PDLIM5: variants seen among roughly 807,000 people sequenced by gnomAD.
PDLIM5 encodes the protein PDZ and LIM domain protein 5.
PDLIM5 carries 34 observed loss-of-function variants against 64.2 expected under a neutral mutation model. The observed-to-expected ratio is 0.53, with a 90% CI of 0.40 to 0.71. The LOEUF is 0.71. Among genes scored for constraint, PDLIM5 ranks in the 30% least tolerant of loss-of-function variants. The pLI is 0.00. For missense variants in PDLIM5, 683 were observed against 733.6 expected, an observed-to-expected ratio of 0.93 and a Z score of 0.80; for synonymous variants, 253 against 269.1, an observed-to-expected ratio of 0.94 and a Z score of 0.59.
At chr4:94,630,143 T>C (rs1265392049) in intron 8 of PDLIM5, among the ~76,000 whole-genome samples, 1 of 152,180 alleles carries the variant, frequency 6.6e-6, no homozygotes, top group Non-Finnish European at 1.5e-5. Flanking sequence ...GAGAACATAT[T>C]TCCTGAGATG....
intron 3 of PDLIM5, among the ~76,000 whole-genome samples, chr4:94,556,188 G>A (rs1267443303): frequency 6.6e-6 from 1 of 152,056 alleles, no homozygotes; most frequent in Non-Finnish European, 1.5e-5. Flanking sequence ...AGTTTGCTGA[G>A]AATGATGGTT....
At chr4:94,480,902 C>G (rs951635422) in intron 2 of PDLIM5, among the ~76,000 whole-genome samples, 1 of 152,198 alleles carries the variant, frequency 6.6e-6, no homozygotes, top group Non-Finnish European at 1.5e-5. Context: ...ATTTTAAACA[C>G]TCCTCTTCCC....
At chr4:94,586,540 C>T (rs1011146723) in intron 7 of PDLIM5, 96 bp downstream of exon 7, 13 of 703,350 alleles carry the variant, frequency 1.8e-5, no homozygotes, top group East Asian at 1.1e-4. Flanking sequence ...TATGGCATTT[C>T]GTCTTTGCAG....
At chr4:94,553,670 C>T (rs1207981404) in intron 3 of PDLIM5, among the ~76,000 whole-genome samples, 1 of 152,054 alleles carries the variant, frequency 6.6e-6, no homozygotes. Flanking sequence ...AACCACTGCC[C>T]CACTCACTGT....
chr4:94,472,873 A>G (rs1234861141), intron 2 of PDLIM5, among the ~76,000 whole-genome samples: 1 of 152,248 alleles, frequency 6.6e-6, no homozygotes, highest in Admixed American at 6.5e-5. Flanking sequence ...TTGAACATTT[A>G]TTATATGCAG....
At chr4:94,568,684 C>A (rs575248385) in intron 3 of PDLIM5, among the ~76,000 whole-genome samples, 83 of 152,006 alleles carry the variant, frequency 5.5e-4, no homozygotes, top group Non-Finnish European at 7.6e-4. Context: ...TGTAGAATTA[C>A]AGCAATAAGT....
intron 12 of PDLIM5, among the ~76,000 whole-genome samples, chr4:94,663,770 G>A (rs1201289966): frequency 6.6e-6 from 1 of 152,124 alleles, no homozygotes; most frequent in Non-Finnish European, 1.5e-5. Context: ...ATACATTCTA[G>A]GAAAAAGCAA....
chr4:94,473,354 C>T (rs925775253), intron 2 of PDLIM5, among the ~76,000 whole-genome samples: 5 of 152,098 alleles, frequency 3.3e-5, no homozygotes, highest in Admixed American at 6.5e-5. Context: ...CTCCACCTCC[C>T]GGGTTCAAGC....
At chr4:94,583,241 G>A (rs897900726) in intron 5 of PDLIM5, among the ~76,000 whole-genome samples, 5 of 151,984 alleles carry the variant, frequency 3.3e-5, no homozygotes, top group African/African-American at 4.8e-5. Flanking sequence ...AAGACCTTAA[G>A]GTGTGGTAAA....
chr4:94,529,206 C>CA (rs1310675639), intron 3 of PDLIM5, among the ~76,000 whole-genome samples: 3 of 152,140 alleles, frequency 2.0e-5, no homozygotes, highest in African/African-American at 7.2e-5. Flanking sequence ...AAATAACTTA[C>CA]AGTCACGGAA....
intron 2 of PDLIM5, among the ~76,000 whole-genome samples, chr4:94,494,849 A>G (rs1333786439): frequency 6.6e-6 from 1 of 151,904 alleles, no homozygotes; most frequent in African/African-American, 2.4e-5. Flanking sequence ...CCCTGGTTCA[A>G]GCGATTCTCC....
intron 6 of PDLIM5, 59 bp from the exon 7 acceptor site, chr4:94,586,349 A>C: frequency 1.1e-6 from 1 of 910,880 alleles, no homozygotes; most frequent in Non-Finnish European, 1.8e-6. Flanking sequence ...GTAATTGCTT[A>C]AGTGATTTTG....
chr4:94,516,661 C>T (rs1311900094), intron 2 of PDLIM5, among the ~76,000 whole-genome samples: 1 of 151,874 alleles, frequency 6.6e-6, no homozygotes. Context: ...GTAGCTGGGA[C>T]CACAGGTCCC....
At chr4:94,487,171 T>C (rs1390259409) in intron 2 of PDLIM5, among the ~76,000 whole-genome samples, 2 of 152,046 alleles carry the variant, frequency 1.3e-5, no homozygotes, top group East Asian at 1.9e-4. Context: ...CTTTTTTGGG[T>C]TTTTTGCTAT....
At chr4:94,532,448 A>G (rs2110159717) in intron 3 of PDLIM5, among the ~76,000 whole-genome samples, 1 of 152,330 alleles carries the variant, frequency 6.6e-6, no homozygotes. Flanking sequence ...TTGGGTAACA[A>G]GGGCAGGGAG....
intron 5 of PDLIM5, chr4:94,577,357 G>A (rs1411764713): frequency 2.2e-6 from 1 of 456,462 alleles, no homozygotes; most frequent in Non-Finnish European, 4.4e-6. Flanking sequence ...GAAAGAGAAG[G>A]TGGCAAAACT....
Position 94,610,935 on chromosome 4 carries a change from T to C in PDLIM5, c.921-7069T>C, listed in dbSNP as rs1738311807. On this transcript the variant is annotated intron_variant, in intron 7 of 12. Coordinates refer to ENST00000317968, the MANE Select transcript of PDLIM5 (RefSeq NM_006457.5). ...TTCATCCTCCTTTGCTGCTTTGTGC[T>C]TCCCCTCCTTCTTCCTCTCTCTCCC... 8.2e-6 allele frequency: 5 copies of C among 610,802 alleles called. No individual in the cohort carries two copies. In the South Asian group the frequency reaches 9.7e-5, roughly 12 times the overall value. The allele number at this position is 610,802 out of a possible 1,614,324, so 37.8% of individuals were successfully genotyped here.
intron 3 of PDLIM5, among the ~76,000 whole-genome samples, chr4:94,526,920 A>G (rs1241681686): frequency 2.6e-5 from 4 of 151,262 alleles, no homozygotes; most frequent in Non-Finnish European, 5.9e-5. Context: ...TTTTCAGTAG[A>G]GATGGAGTTT....
intron 2 of PDLIM5, among the ~76,000 whole-genome samples, chr4:94,499,745 C>CTA (rs1220833455): frequency 6.6e-6 from 1 of 152,170 alleles, no homozygotes; most frequent in Non-Finnish European, 1.5e-5. Context: ...TGAGCATTAC[C>CTA]ACCTGAGCTC....
Sources: gnomAD v4.1 joint callset for allele counts (sites outside exome capture counted in the v4.1 genomes callset) on GRCh38, gnomAD v4.1.1 for gene constraint, MANE v1.5 for transcripts, NCBI Gene and HGNC (gene_info 2026-07-23, HGNC 2026-07-21) for gene names.